Variants in VTA1 observed in about 807,000 individuals in gnomAD.
VTA1 encodes the protein vacuolar protein sorting-associated protein VTA1 homolog.
Under a neutral mutation model 36.9 loss-of-function variants are expected in VTA1, and 24 were observed. That is an observed-to-expected ratio of 0.65 (90% CI 0.47 to 0.91). The LOEUF is 0.91. Ranked by LOEUF, VTA1 falls within the 40% of genes least tolerant of loss-of-function variation. The pLI is 0.00. For missense variants in VTA1, 393 were observed against 377.2 expected (o/e 1.04, Z -0.35); for synonymous variants, 142 against 130.2 (o/e 1.09, Z -0.62).
intron 4 of VTA1, among the ~76,000 whole-genome samples, chr6:142,171,255 C>G (rs1775025099): frequency 6.6e-6 from 1 of 152,052 alleles, no homozygotes; most frequent in African/African-American, 2.4e-5. Context: ...CCACGACACC[C>G]AGCTAATTTT....
At chr6:142,199,650 TATG>T (rs1301236078) in intron 6 of VTA1, among the ~76,000 whole-genome samples, 1 of 152,158 alleles carries the variant, frequency 6.6e-6, no homozygotes, top group African/African-American at 2.4e-5. Flanking sequence ...TAACATCAAG[TATG>T]ATTAGTGTCT....
intron 6 of VTA1, among the ~76,000 whole-genome samples, chr6:142,202,961 A>G (rs773518705): frequency 1.4e-4 from 22 of 152,032 alleles, no homozygotes; most frequent in Admixed American, 2.6e-4. Flanking sequence ...CAATTAAGTG[A>G]GGTAAATAAT....
intron 6 of VTA1, among the ~76,000 whole-genome samples, chr6:142,199,883 C>A (rs995870658): frequency 6.6e-6 from 1 of 151,966 alleles, no homozygotes; most frequent in Non-Finnish European, 1.5e-5. Context: ...TCTTGGAACA[C>A]TTTTAAGTAT....
At chr6:142,173,370 A>G (rs138121743) in intron 4 of VTA1, among the ~76,000 whole-genome samples, 15 of 152,356 alleles carry the variant, frequency 9.8e-5, no homozygotes, top group Middle Eastern at 3.4e-3. Flanking sequence ...AGGCAAAGTA[A>G]CAGATCAGAA....
At chr6:142,157,323 A>G (rs1778680054) in intron 1 of VTA1, among the ~76,000 whole-genome samples, 2 of 152,200 alleles carry the variant, frequency 1.3e-5, no homozygotes, top group African/African-American at 2.4e-5. Flanking sequence ...ACTAGAGTCT[A>G]TAGTCTTATT....
intron 4 of VTA1, among the ~76,000 whole-genome samples, chr6:142,174,593 A>G (rs1411732732): frequency 6.6e-6 from 1 of 152,174 alleles, no homozygotes; most frequent in Non-Finnish European, 1.5e-5. Flanking sequence ...TATATTTTGC[A>G]ATGTGAAAAG....
At position 142,221,699 on chromosome 6, in the gene VTA1, A is replaced by G. The variant is rs966905997; in HGVS notation, c.*3056A>G. The stretch of plus-strand genomic sequence containing the variant: ...CCGGGGGCGGTGGTTCGCACCTGCA[A>G]TCCCAGCACTTTGGGAGCCAAGGCA... On this transcript the variant is annotated 3_prime_UTR_variant, in exon 8 of 8. Transcript: ENST00000367630. 15 of 151,510 alleles carry G rather than the reference A, an allele frequency of 9.9e-5. No individual in the cohort carries two copies. The East Asian group carries it at 1.2e-3, about 12-fold the overall frequency. 9.4% of individuals were successfully genotyped at this position (151,510 alleles called of 1,614,324 possible). A position where few individuals can be genotyped will look rare whatever the true frequency, so the allele number is the denominator to read the frequency against.
chr6:142,191,248 G>T (rs1775449769), intron 5 of VTA1, among the ~76,000 whole-genome samples: 1 of 152,020 alleles, frequency 6.6e-6, no homozygotes, highest in South Asian at 2.1e-4. Flanking sequence ...ATGCACCCTG[G>T]AAATTTTTTG....
At chr6:142,177,507 A>C (rs549459342) in intron 4 of VTA1, among the ~76,000 whole-genome samples, 1 of 152,338 alleles carries the variant, frequency 6.6e-6, no homozygotes, top group African/African-American at 2.4e-5. Context: ...TGGCTCTTGC[A>C]GATTCTAGCA....
At chr6:142,197,706 T>C (rs1775580455) in intron 5 of VTA1, among the ~76,000 whole-genome samples, 3 of 152,070 alleles carry the variant, frequency 2.0e-5, no homozygotes, top group South Asian at 4.1e-4. Flanking sequence ...GGAGTTCTTA[T>C]TGGATAGCAT....
intron 6 of VTA1, among the ~76,000 whole-genome samples, chr6:142,200,791 T>C (rs189182791): frequency 6.6e-6 from 1 of 152,076 alleles, no homozygotes; most frequent in Admixed American, 6.5e-5. Context: ...TTTTGTTCCT[T>C]AGAGGGAAGA....
At chr6:142,190,485 C>T (rs183947173) in intron 5 of VTA1, among the ~76,000 whole-genome samples, 7 of 151,844 alleles carry the variant, frequency 4.6e-5, no homozygotes, top group African/African-American at 1.7e-4. Flanking sequence ...TCACACAGTG[C>T]GTTTTACAAA....
intron 7 of VTA1, among the ~76,000 whole-genome samples, chr6:142,208,599 T>C (rs1775841758): frequency 6.6e-6 from 1 of 152,148 alleles, no homozygotes; most frequent in Admixed American, 6.5e-5. Flanking sequence ...CCGAACAGAT[T>C]CAACCCCCAA....
chr6:142,218,558 G>T lies in VTA1; in HGVS notation c.839G>T (p.Gly280Val). The change falls in exon 8 of 8, where the codon GGC (glycine) becomes GTC (valine). Residue 280 changes from glycine (G) to valine (V), a missense_variant. By Grantham distance (109) the Gly-to-Val change is moderately radical. Coordinates refer to ENST00000367630, the MANE Select transcript of VTA1 (RefSeq NM_016485.5). ...ARAQKYCKYAGSALQYEDVST... is the reference protein window; with the variant it reads ...ARAQKYCKYAVSALQYEDVST... ...GCTCAGAAGTACTGCAAATATGCTG[G>T]CAGTGCTTTGCAGTATGAAGATGTA... The T allele has an allele frequency of 6.2e-7, 1 of 1,613,556 alleles. No individual in the cohort carries two copies. Among genetic ancestry groups the T allele is most frequent in the Non-Finnish European group, 8.5e-7 (1 of 1,179,730 alleles).
At position 142,221,171 on chromosome 6, in the gene VTA1, G is replaced by T. The variant is rs912185639; in HGVS notation, c.*2528G>T. 2 of 152,188 alleles carry T rather than the reference G, an allele frequency of 1.3e-5. No homozygotes were observed. The highest frequency in any genetic ancestry group is 4.8e-5 in the African/African-American group (2 of 41,432). The allele number at this position is 152,188 out of a possible 1,614,324, so 9.4% of individuals were successfully genotyped here. On this transcript the variant is annotated 3_prime_UTR_variant, in exon 8 of 8. Transcript: ENST00000367630. ...TCTCAAAGGTGTCTCTGGACGACCGGCATCAGCATCACCTGCGAACTTGCT... is the reference window on the plus strand; with the variant it reads ...TCTCAAAGGTGTCTCTGGACGACCGTCATCAGCATCACCTGCGAACTTGCT...
intron 1 of VTA1, among the ~76,000 whole-genome samples, chr6:142,165,646 T>C (rs1022886006): frequency 2.0e-5 from 3 of 152,218 alleles, no homozygotes; most frequent in African/African-American, 7.2e-5. Context: ...CAGTTACCAC[T>C]AGAACTGTTC....
intron 4 of VTA1, among the ~76,000 whole-genome samples, chr6:142,183,232 C>G (rs1479399945): frequency 6.6e-6 from 1 of 152,192 alleles, no homozygotes; most frequent in Non-Finnish European, 1.5e-5. Flanking sequence ...AGATTAAAAA[C>G]TTGCCTAGGA....
chr6:142,222,836 C>T lies in VTA1; in HGVS notation c.*4193C>T, dbSNP rs1468222583. On this transcript the variant is annotated 3_prime_UTR_variant, in exon 8 of 8. Coordinates refer to ENST00000367630, the MANE Select transcript of VTA1 (RefSeq NM_016485.5). ...TTCAATGTTTACTAAATGTCAGATA[C>T]TATTCTAAGTATTTTGCATATATTA... The T allele has an allele frequency of 1.3e-5, 2 of 152,150 alleles. No individual in the cohort carries two copies. Among genetic ancestry groups the T allele is most frequent in the Non-Finnish European group, 2.9e-5 (2 of 68,030 alleles). The allele number at this position is 152,150 out of a possible 1,614,324, so 9.4% of individuals were successfully genotyped here. A position where few individuals can be genotyped will look rare whatever the true frequency, so the allele number is the denominator to read the frequency against.
At chr6:142,186,877 G>A (rs911952777) in intron 4 of VTA1, among the ~76,000 whole-genome samples, 2 of 152,014 alleles carry the variant, frequency 1.3e-5, no homozygotes, top group African/African-American at 4.8e-5. Flanking sequence ...TCTGGTAGGT[G>A]GTGTAATGGC....
Sources: allele counts gnomAD v4.1 joint callset (sites outside exome capture counted in the v4.1 genomes callset), GRCh38; gene constraint gnomAD v4.1.1; transcripts MANE v1.5; gene names NCBI Gene and HGNC (gene_info 2026-07-23, HGNC 2026-07-21).